IQSEC1: variants seen among roughly 807,000 people sequenced by gnomAD.
The protein encoded by IQSEC1 is IQ motif and SEC7 domain-containing protein 1.
IQSEC1 carries 31 observed loss-of-function variants against 91.0 expected under a neutral mutation model. The observed-to-expected ratio is 0.34, with a 90% CI of 0.26 to 0.46. The LOEUF is 0.46. Ranked by LOEUF, IQSEC1 falls within the 20% of genes least tolerant of loss-of-function variation. The pLI, the probability that IQSEC1 is intolerant of heterozygous loss-of-function variation, is 1.00. For missense variants in IQSEC1, 1,388 were observed against 1,575.6 expected, an observed-to-expected ratio of 0.88 and a Z score of 2.02; for synonymous variants, 699 against 662.6, an observed-to-expected ratio of 1.05 and a Z score of -0.84.
intron 1 of IQSEC1, among the ~76,000 whole-genome samples, chr3:13,209,865 C>T (rs2125061475): frequency 6.6e-6 from 1 of 152,356 alleles, no homozygotes; most frequent in Admixed American, 6.5e-5. Context: ...CAACACCCAG[C>T]ACTGGGGCTG....
chr3:13,042,824 G>A (rs566496571), intron 1 of IQSEC1, among the ~76,000 whole-genome samples: 12 of 152,352 alleles, frequency 7.9e-5, no homozygotes, highest in South Asian at 4.1e-4. Context: ...TCCTACACCC[G>A]CCTGGCTGGC....
chr3:13,212,545 C>T (rs995979357), intron 1 of IQSEC1, among the ~76,000 whole-genome samples: 10 of 152,158 alleles, frequency 6.6e-5, no homozygotes, highest in Non-Finnish European at 5.9e-5. Context: ...GTGGAATTGC[C>T]GGGTCACAGG....
At chr3:13,153,131 C>G (rs1045660016) in intron 2 of IQSEC1, among the ~76,000 whole-genome samples, 2 of 151,624 alleles carry the variant, frequency 1.3e-5, no homozygotes, top group African/African-American at 4.9e-5. Context: ...CCTCCAGTGT[C>G]CAGGCCAGGC....
intron 2 of IQSEC1, among the ~76,000 whole-genome samples, chr3:13,116,438 C>T (rs908095271): frequency 2.0e-5 from 3 of 152,148 alleles, no homozygotes; most frequent in Non-Finnish European, 2.9e-5. Context: ...GAATAGAGAG[C>T]CCAGAAATAA....
rs982349388 is a variant in IQSEC1 at position 12,992,591 on chromosome 3, C to T, written c.24-50726G>A. On this transcript the variant is annotated intron_variant, in intron 1 of 13. Transcript: ENST00000613206. This position sits in a 1 kb window ranked among gnomAD's most constrained non-coding sequence, Gnocchi z 4.1. ...TCCACTGCCTGGTGGAGCCTGACCA[C>T]AAAATGAAACGGTGGCTCATCAAAG... Among the ~76,000 whole-genome samples the T allele has an allele frequency of 2.0e-5, 3 of 152,196 alleles. No individual in the cohort carries two copies. Among genetic ancestry groups the T allele is most frequent in the Non-Finnish European group, 2.9e-5 (2 of 68,032 alleles).
chr3:13,040,870 ACT>A (rs1239209713), intron 1 of IQSEC1, among the ~76,000 whole-genome samples: 3 of 151,518 alleles, frequency 2.0e-5, no homozygotes, highest in Admixed American at 6.6e-5. Context: ...CTCTTTCAAG[ACT>A]CTGACCGCGA....
intron 2 of IQSEC1, among the ~76,000 whole-genome samples, chr3:13,139,584 G>A (rs1559262869): frequency 6.6e-6 from 1 of 152,232 alleles, no homozygotes; most frequent in African/African-American, 2.4e-5. Flanking sequence ...ATTACATCCA[G>A]TGACAGGGTG....
chr3:12,943,317 G>T lies in IQSEC1; in HGVS notation c.24-1452C>A, dbSNP rs3755722. ...TGCCCCTGGTGGGGCCATGCGGGGCGGGCTGACGAGCTCATCCCGACTCGG... is the reference window on the plus strand; with the variant it reads ...TGCCCCTGGTGGGGCCATGCGGGGCTGGCTGACGAGCTCATCCCGACTCGG... On this transcript the variant is annotated intron_variant, in intron 1 of 13. Coordinates refer to ENST00000613206, the MANE Select transcript of IQSEC1 (RefSeq NM_001134382.3). Among the ~76,000 whole-genome samples, 179 of 152,340 alleles carry T rather than the reference G, an allele frequency of 1.2e-3. 2 individuals carry two copies. The East Asian group carries it at 0.026, about 22-fold the overall frequency.
At chr3:13,165,489 C>T (rs358948) in intron 1 of IQSEC1, among the ~76,000 whole-genome samples, 57,325 of 130,092 alleles carry the variant, frequency 0.44, 12,534 homozygotes, top group Admixed American at 0.55. Flanking sequence ...TTGATCATAG[C>T]CAGGACAGAA....
At position 13,176,495 on chromosome 3, in the gene IQSEC1, C is replaced by G. The variant is rs115294561; in HGVS notation, c.273-12362G>C. On this transcript the variant is annotated intron_variant, in intron 1 of 15. Coordinates refer to the IQSEC1 transcript ENST00000648114. ...GTGACAGCACAGAAAACCATGGTCT[C>G]TCTCTCACCAACCAGTAAAGCAGTC... Among the ~76,000 whole-genome samples the G allele has an allele frequency of 2.2e-3, 334 of 152,350 alleles. 3 individuals carry two copies. The highest frequency in any genetic ancestry group is 7.6e-3 in the African/African-American group (318 of 41,588).
chr3:12,994,166 G>A lies in IQSEC1; in HGVS notation c.24-52301C>T, dbSNP rs866698959. ...AGCGTCCGGTGGCCGGGCGCGGGGGGGCGGGGGCGGGCGCTCGGGAGCCGG... is the reference window on the plus strand; with the variant it reads ...AGCGTCCGGTGGCCGGGCGCGGGGGAGCGGGGGCGGGCGCTCGGGAGCCGG... On this transcript the variant is annotated intron_variant, in intron 1 of 13. Transcript: ENST00000613206. This position sits in a 1 kb window ranked among gnomAD's most constrained non-coding sequence, Gnocchi z 4.5. 6.8e-6 allele frequency among the ~76,000 whole-genome samples: 1 copy of A among 146,628 alleles called. No homozygotes were observed. Among genetic ancestry groups the A allele is most frequent in the Admixed American group, 6.8e-5 (1 of 14,768 alleles).
intron 2 of IQSEC1, among the ~76,000 whole-genome samples, chr3:13,128,746 G>A (rs1343565658): frequency 2.6e-5 from 4 of 151,718 alleles, no homozygotes; most frequent in East Asian, 1.9e-4. Context: ...GCGTGGTGGC[G>A]GGCACCTGTA....
intron 1 of IQSEC1, among the ~76,000 whole-genome samples, chr3:12,981,759 C>A (rs913542351): frequency 4.6e-5 from 7 of 152,184 alleles, no homozygotes; most frequent in African/African-American, 1.7e-4. Context: ...GAAGAGCTAG[C>A]TGTGGAGGAC....
Position 13,008,549 on chromosome 3 carries a change from C to T in IQSEC1, c.23+64443G>A, listed in dbSNP as rs995239516. Among the ~76,000 whole-genome samples the T allele has an allele frequency of 2.0e-5, 3 of 152,148 alleles. No individual in the cohort carries two copies. Among genetic ancestry groups the T allele is most frequent in the African/African-American group, 4.8e-5 (2 of 41,422 alleles). On this transcript the variant is annotated intron_variant, in intron 1 of 13. Transcript: ENST00000613206. This position sits in a 1 kb window ranked among gnomAD's most constrained non-coding sequence, Gnocchi z 4.1. ...CCTCAGGGAGGCCCTCACTGACCACCGCCAAGTCGCTCCCCACTGCAGCCT... is the reference window on the plus strand; with the variant it reads ...CCTCAGGGAGGCCCTCACTGACCACTGCCAAGTCGCTCCCCACTGCAGCCT...
chr3:12,905,546 C>T (rs1230937673), intron 12 of IQSEC1, among the ~76,000 whole-genome samples: 2 of 152,250 alleles, frequency 1.3e-5, no homozygotes, highest in South Asian at 2.1e-4. Flanking sequence ...AGAGGGCAGG[C>T]GGAGGTGGGG....
chr3:13,250,420 C>CTT (rs1227236271), intron 1 of IQSEC1, among the ~76,000 whole-genome samples: 9 of 135,572 alleles, frequency 6.6e-5, no homozygotes, highest in African/African-American at 1.1e-4. Context: ...CCCCACTTTC[C>CTT]TTTTTTTTTT....
chr3:13,231,016 A>G (rs776353359), intron 1 of IQSEC1, among the ~76,000 whole-genome samples: 2 of 152,280 alleles, frequency 1.3e-5, no homozygotes, highest in Non-Finnish European at 1.5e-5. Flanking sequence ...GTCCCCTTAA[A>G]CTTTTCATAA....
chr3:13,021,916 T>G lies in IQSEC1; in HGVS notation c.23+51076A>C, dbSNP rs542146489. On this transcript the variant is annotated intron_variant, in intron 1 of 13. Transcript: ENST00000613206. ...CTCCTCCTCCCGCTCCACCAGAGAC[T>G]GAAAGTTGCTCCAGCTCCCTCCATC... 497 of 578,758 alleles carry G rather than the reference T, an allele frequency of 8.6e-4. 1 individual carries two copies. The highest frequency in any genetic ancestry group is 4.5e-3 in the African/African-American group (233 of 51,842). 35.9% of individuals were successfully genotyped at this position (578,758 alleles called of 1,614,324 possible).
intron 1 of IQSEC1, among the ~76,000 whole-genome samples, chr3:13,066,274 T>C (rs1705225587): frequency 1.3e-5 from 2 of 152,290 alleles, no homozygotes; most frequent in African/African-American, 4.8e-5. Context: ...GGAAGTTTTC[T>C]GTCTATCTTA....
Sources: gnomAD v4.1 joint callset for allele counts (sites outside exome capture counted in the v4.1 genomes callset) on GRCh38, gnomAD v4.1.1 for gene constraint, Gnocchi (gnomAD v3.1) non-coding constraint, MANE v1.5 for transcripts, NCBI Gene and HGNC (gene_info 2026-07-23, HGNC 2026-07-21) for gene names.